The following GLUD1 variants were observed in gnomAD, a reference collection of about 807,000 sequenced individuals.
GLUD1 encodes the protein glutamate dehydrogenase 1, mitochondrial.
Under a neutral mutation model 56.0 loss-of-function variants are expected in GLUD1, and 22 were observed. That is an observed-to-expected ratio of 0.39 (90% CI 0.28 to 0.56). The LOEUF (loss-of-function observed/expected upper bound fraction) is 0.56. Ranked by LOEUF, GLUD1 falls within the 20% of genes least tolerant of loss-of-function variation. The pLI is 0.58. For missense variants in GLUD1, 451 were observed against 732.0 expected (o/e 0.62, Z 4.43); for synonymous variants, 223 against 269.9 (o/e 0.83, Z 1.70).
chr10:87,063,308 A>G (rs1845984722), intron 5 of GLUD1, among the ~76,000 whole-genome samples: 1 of 152,088 alleles, frequency 6.6e-6, no homozygotes, highest in African/African-American at 2.4e-5. Context: ...CCTGACCTCA[A>G]GTGATCTCCC....
intron 1 of GLUD1, among the ~76,000 whole-genome samples, chr10:87,079,064 T>C (rs1263692764): frequency 1.3e-5 from 2 of 152,168 alleles, no homozygotes; most frequent in African/African-American, 4.8e-5. Context: ...TTTGCAATTG[T>C]TTCCAGTGGT....
intron 1 of GLUD1, among the ~76,000 whole-genome samples, chr10:87,080,182 C>T (rs528007632): frequency 4.3e-4 from 66 of 152,154 alleles, no homozygotes; most frequent in East Asian, 3.1e-3. Flanking sequence ...GCGAGTGATC[C>T]GCCAGCCTAG....
chr10:87,069,646 T>C (rs1331136365), intron 4 of GLUD1, among the ~76,000 whole-genome samples: 1 of 152,180 alleles, frequency 6.6e-6, no homozygotes, highest in Non-Finnish European at 1.5e-5. Context: ...TATATTGTAA[T>C]GTTTTTCTAT....
At position 87,094,347 on chromosome 10, in the gene GLUD1, C is replaced by T. The variant is rs763384303; in HGVS notation, c.423G>A (p.Gln141=). 13 of 1,610,520 alleles carry T rather than the reference C, an allele frequency of 8.1e-6. No homozygotes were observed. In the South Asian group the frequency reaches 1.2e-4, roughly 15 times the overall value. Reference sequence around the variant, plus strand: ...CACCTCCCTTGCAGGGCGTGCGGTGCTGGCTGTGCTGGGCCCGGTAGCCTT... The same window carrying T: ...CACCTCCCTTGCAGGGCGTGCGGTGTTGGCTGTGCTGGGCCCGGTAGCCTT... The part of the protein sequence containing the change: ...VIEGYRAQHS[Q]HRTPCKGGIR... The change falls in exon 1 of 13, where the codon CAG becomes CAA. Residue 141 remains glutamine (Q), a synonymous_variant. Coordinates refer to ENST00000277865, the MANE Select transcript of GLUD1 (RefSeq NM_005271.5). The surrounding 1 kb of genome is among the most constrained non-coding windows in gnomAD (Gnocchi z 6.6).
At chr10:87,079,389 G>A (rs1192783044) in intron 1 of GLUD1, among the ~76,000 whole-genome samples, 2 of 150,684 alleles carry the variant, frequency 1.3e-5, no homozygotes, top group Admixed American at 6.6e-5. Flanking sequence ...AGTGAGCTAC[G>A]CTCAGGTCAC....
intron 1 of GLUD1, among the ~76,000 whole-genome samples, chr10:87,082,665 C>T (rs1325539387): frequency 6.6e-6 from 1 of 152,168 alleles, no homozygotes; most frequent in Non-Finnish European, 1.5e-5. Flanking sequence ...TTCTAGTTAA[C>T]CAGTGATTCA....
Position 87,086,065 on chromosome 10 carries a change from T to G in GLUD1, c.445+8260A>C, listed in dbSNP as rs143375391. The stretch of plus-strand genomic sequence containing the variant: ...CTCAGCTATCCAGTTTCATATAAAT[T>G]ATTTACAAGTCTACGTGATAATTTG... On this transcript the variant is annotated intron_variant, in intron 1 of 12. Transcript: ENST00000277865. 2.0e-5 allele frequency among the ~76,000 whole-genome samples: 3 copies of G among 152,308 alleles called. No individual in the cohort carries two copies. In the East Asian group the frequency reaches 5.8e-4, roughly 29 times the overall value.
intron 11 of GLUD1, among the ~76,000 whole-genome samples, chr10:87,054,102 A>T (rs1242524635): frequency 6.6e-6 from 1 of 152,184 alleles, no homozygotes; most frequent in Non-Finnish European, 1.5e-5. Context: ...ACCACTCTTA[A>T]GGTGACATAC....
At position 87,094,185 on chromosome 10, in the gene GLUD1, G is replaced by T; in HGVS notation, c.445+140C>A. On this transcript the variant is annotated intron_variant, in intron 1 of 12. Transcript: ENST00000277865. This position sits in a 1 kb window ranked among gnomAD's most constrained non-coding sequence, Gnocchi z 6.6. ...ATCCACAGAGCCGGCCACATCCGAG[G>T]CGGGGTGACCCGGGCGGGGACCCGG... 1 of 1,385,770 alleles carries T rather than the reference G, an allele frequency of 7.2e-7. No individual in the cohort carries two copies. Among genetic ancestry groups the T allele is most frequent in the South Asian group, 1.5e-5 (1 of 68,804 alleles). 85.8% of individuals were successfully genotyped at this position (1,385,770 alleles called of 1,614,324 possible).
intron 3 of GLUD1, among the ~76,000 whole-genome samples, chr10:87,075,677 T>A (rs1357007177): frequency 6.6e-6 from 1 of 152,156 alleles, no homozygotes; most frequent in African/African-American, 2.4e-5. Flanking sequence ...ATCCTAGCAC[T>A]CTGGGAGGCC....
At chr10:87,069,545 A>C (rs1846172000) in intron 4 of GLUD1, among the ~76,000 whole-genome samples, 1 of 139,936 alleles carries the variant, frequency 7.1e-6, no homozygotes, top group African/African-American at 2.8e-5. Context: ...TTAAACTATT[A>C]AACTATTATG....
At chr10:87,076,474 C>A (rs950089394) in intron 2 of GLUD1, 102 bp downstream of exon 2, 1 of 789,894 alleles carries the variant, frequency 1.3e-6, no homozygotes, top group South Asian at 1.4e-5. Context: ...GAAAAAAAAT[C>A]AGTTCTGATA....
chr10:87,062,510 A>G, intron 6 of GLUD1, 146 bp downstream of exon 6: 1 of 710,200 alleles, frequency 1.4e-6, no homozygotes, highest in Non-Finnish European at 2.4e-6. Flanking sequence ...TTCAAAAAAC[A>G]AAATATCTAT....
Position 87,076,606 on chromosome 10 carries a change from A to G in GLUD1, c.496T>C (p.Ser166Pro), listed in dbSNP as rs750505327. The change falls in exon 2 of 13, where the codon TCT becomes CCT. Residue 166 changes from serine to proline, a missense_variant. Physicochemically the swap from Ser to Pro is moderately conservative, Grantham distance 74. Transcript: ENST00000277865. ...ACTGCACACTTGTATGTCATCAGAG[A>G]AGCCAAAGCTTTTACTTCATCTACA... ...VSVDEVKALA[S>P]LMTYKCAVVD... 1 of 1,609,210 alleles carries G rather than the reference A, an allele frequency of 6.2e-7. No homozygotes were observed. Among genetic ancestry groups the G allele is most frequent in the Non-Finnish European group, 8.5e-7 (1 of 1,175,572 alleles).
At chr10:87,068,769 A>G (rs999823836) in intron 4 of GLUD1, among the ~76,000 whole-genome samples, 12 of 152,196 alleles carry the variant, frequency 7.9e-5, no homozygotes, top group Non-Finnish European at 1.8e-4. Flanking sequence ...TCCTCAGATC[A>G]TAGGAAATTA....
chr10:87,061,767 C>T (rs1242565569), intron 6 of GLUD1, among the ~76,000 whole-genome samples: 4 of 151,470 alleles, frequency 2.6e-5, no homozygotes. Flanking sequence ...CAGGTGCCGC[C>T]ATCATGCCCA....
At chr10:87,064,134 C>T (rs943907599) in intron 5 of GLUD1, among the ~76,000 whole-genome samples, 5 of 152,112 alleles carry the variant, frequency 3.3e-5, no homozygotes, top group Non-Finnish European at 5.9e-5. Context: ...AGGATGGTCT[C>T]GATCTCCTGA....
At chr10:87,080,980 G>GC (rs1841223550) in intron 1 of GLUD1, among the ~76,000 whole-genome samples, 1 of 139,344 alleles carries the variant, frequency 7.2e-6, no homozygotes, top group Non-Finnish European at 1.6e-5. Flanking sequence ...GGGGGGGTCA[G>GC]CCCCCCGCCC....
intron 6 of GLUD1, among the ~76,000 whole-genome samples, chr10:87,061,806 CAG>C (rs1845942333): frequency 6.6e-6 from 1 of 151,480 alleles, no homozygotes; most frequent in Non-Finnish European, 1.5e-5. Context: ...TTTTTTGAGA[CAG>C]AGTCTGGCTC....
Sources: gnomAD v4.1 joint callset for allele counts (sites outside exome capture counted in the v4.1 genomes callset) on GRCh38, gnomAD v4.1.1 for gene constraint, Gnocchi (gnomAD v3.1) non-coding constraint, MANE v1.5 for transcripts, NCBI Gene and HGNC (gene_info 2026-07-23, HGNC 2026-07-21) for gene names.